ADAMTS19: variants seen among roughly 807,000 people sequenced by gnomAD.
The protein encoded by ADAMTS19 is A disintegrin and metalloproteinase with thrombospondin motifs 19.
In ADAMTS19, 93 loss-of-function variants were observed where a neutral mutation model predicts 153.3. The observed-to-expected ratio is 0.61, with a 90% CI of 0.51 to 0.72. The LOEUF is 0.72. Among genes scored for constraint, ADAMTS19 ranks in the 30% least tolerant of loss-of-function variants. The pLI, the probability that ADAMTS19 is intolerant of heterozygous loss-of-function variation, is 0.00. For missense variants in ADAMTS19, 1,482 were observed against 1,552.1 expected, an observed-to-expected ratio of 0.95 and a Z score of 0.76; for synonymous variants, 600 against 556.6, an observed-to-expected ratio of 1.08 and a Z score of -1.10.
intron 7 of ADAMTS19, among the ~76,000 whole-genome samples, chr5:129,587,396 A>G (rs1269514877): frequency 1.3e-5 from 2 of 151,206 alleles, no homozygotes; most frequent in Non-Finnish European, 2.9e-5. Context: ...GTGACAGTTT[A>G]TTGTCGTGGT....
At chr5:129,522,207 A>G (rs1490211181) in intron 3 of ADAMTS19, among the ~76,000 whole-genome samples, 1 of 149,162 alleles carries the variant, frequency 6.7e-6, no homozygotes, top group Non-Finnish European at 1.5e-5. Context: ...ATATATATAT[A>G]CACACACATA....
intron 2 of ADAMTS19, among the ~76,000 whole-genome samples, chr5:129,463,969 T>A (rs1048393532): frequency 6.6e-6 from 1 of 152,186 alleles, no homozygotes; most frequent in African/African-American, 2.4e-5. Context: ...AATCAAATGT[T>A]ATGCTAAGGT....
intron 2 of ADAMTS19, among the ~76,000 whole-genome samples, chr5:129,472,271 T>C (rs1750093241): frequency 6.6e-6 from 1 of 152,230 alleles, no homozygotes; most frequent in African/African-American, 2.4e-5. Flanking sequence ...GGTATCTCAT[T>C]ATGCAAGCTA....
intron 2 of ADAMTS19, among the ~76,000 whole-genome samples, chr5:129,477,986 G>A (rs1750280332): frequency 6.6e-6 from 1 of 152,028 alleles, no homozygotes; most frequent in South Asian, 2.1e-4. Flanking sequence ...ATTAGCCTTA[G>A]AGAGTTAAAA....
intron 14 of ADAMTS19, among the ~76,000 whole-genome samples, chr5:129,658,347 A>AAGAGAGAGAGAGAGAGAG (rs1294171239): frequency 1.0e-4 from 12 of 116,064 alleles, no homozygotes; most frequent in African/African-American, 3.3e-4. Flanking sequence ...GAAAGAAAGA[A>AAGAGAGAGAGAGAGAGAG]AGAAAGAAAG....
intron 17 of ADAMTS19, among the ~76,000 whole-genome samples, chr5:129,681,541 A>C (rs1398892131): frequency 3.9e-5 from 6 of 152,188 alleles, no homozygotes; most frequent in Non-Finnish European, 8.8e-5. Flanking sequence ...TTATTACTCT[A>C]GTTTACAGAT....
chr5:129,582,146 A>C (rs1749546129), intron 7 of ADAMTS19, among the ~76,000 whole-genome samples: 3 of 149,440 alleles, frequency 2.0e-5, no homozygotes, highest in Non-Finnish European at 4.4e-5. Context: ...TCATGTCCTG[A>C]ATATCCTTGT....
At chr5:129,503,995 A>G (rs1751189128) in intron 2 of ADAMTS19, among the ~76,000 whole-genome samples, 1 of 152,122 alleles carries the variant, frequency 6.6e-6, no homozygotes, top group Non-Finnish European at 1.5e-5. Context: ...TAATTCTCGG[A>G]TGTACTTTAT....
intron 7 of ADAMTS19, among the ~76,000 whole-genome samples, chr5:129,588,694 T>C (rs998828587): frequency 8.6e-5 from 13 of 151,898 alleles, no homozygotes; most frequent in Admixed American, 6.6e-4. Context: ...AGGTATATTT[T>C]GTAAAATATT....
At chr5:129,490,839 G>C (rs1750741308) in intron 2 of ADAMTS19, among the ~76,000 whole-genome samples, 1 of 151,976 alleles carries the variant, frequency 6.6e-6, no homozygotes, top group African/African-American at 2.4e-5. Flanking sequence ...AGGTCGCTTA[G>C]GTTGTTTTTC....
chr5:129,669,848 T>C (rs1291433373), intron 16 of ADAMTS19, among the ~76,000 whole-genome samples: 1 of 152,088 alleles, frequency 6.6e-6, no homozygotes, highest in Non-Finnish European at 1.5e-5. Flanking sequence ...GTTGTTAGTG[T>C]GTTGTTTAAT....
At chr5:129,591,012 A>G (rs1375159278) in intron 7 of ADAMTS19, among the ~76,000 whole-genome samples, 23 of 152,098 alleles carry the variant, frequency 1.5e-4, no homozygotes, top group Non-Finnish European at 3.2e-4. Context: ...CATGGTTGGC[A>G]CCCTAGGCCA....
chr5:129,506,672 T>C (rs1034683900), intron 2 of ADAMTS19, among the ~76,000 whole-genome samples: 1 of 151,992 alleles, frequency 6.6e-6, no homozygotes, highest in Non-Finnish European at 1.5e-5. Context: ...CTAACAGGGA[T>C]ACAAAATTTA....
intron 8 of ADAMTS19, among the ~76,000 whole-genome samples, chr5:129,617,079 G>T (rs1751565468): frequency 6.6e-6 from 1 of 151,994 alleles, no homozygotes; most frequent in Non-Finnish European, 1.5e-5. Flanking sequence ...TGATATCATT[G>T]TCAGTGGTTA....
intron 3 of ADAMTS19, among the ~76,000 whole-genome samples, chr5:129,514,627 G>C (rs181960139): frequency 2.1e-3 from 315 of 151,940 alleles, no homozygotes; most frequent in African/African-American, 6.7e-3. Flanking sequence ...CCTATTTTTT[G>C]ATTGGATTAT....
intron 7 of ADAMTS19, among the ~76,000 whole-genome samples, chr5:129,560,497 A>G (rs1254025744): frequency 2.6e-5 from 4 of 152,230 alleles, no homozygotes; most frequent in Non-Finnish European, 2.9e-5. Flanking sequence ...GCAAATGCCT[A>G]TAGGCAACCA....
chr5:129,501,949 A>G (rs975591612), intron 2 of ADAMTS19, among the ~76,000 whole-genome samples: 1 of 152,150 alleles, frequency 6.6e-6, no homozygotes, highest in Non-Finnish European at 1.5e-5. Flanking sequence ...TTTGGAAAGA[A>G]TAATGATATG....
chr5:129,641,960 G>A lies in ADAMTS19; in HGVS notation c.1872G>A (p.Lys624=). 1.3e-6 allele frequency: 2 copies of A among 1,579,508 alleles called. No individual in the cohort carries two copies. The highest frequency in any genetic ancestry group is 1.7e-6 in the Non-Finnish European group (2 of 1,158,902). The change falls in exon 11 of 23, where the codon AAG becomes AAA. Residue 624 remains lysine, a splice_region_variant and synonymous_variant. Transcript: ENST00000274487. ...ATGGAACTGACTGTGACCTTGGTAA[G>A]GTAAGTCATTTGTGTTGTCTGAATT... ...PMDGTDCDLG[K]WCKAGECTSR...
chr5:129,538,894 G>A (rs1228804429), intron 6 of ADAMTS19, among the ~76,000 whole-genome samples: 1 of 151,702 alleles, frequency 6.6e-6, no homozygotes, highest in Non-Finnish European at 1.5e-5. Context: ...ATATTCTTAT[G>A]GTAAAAGTAA....
Sources: allele counts gnomAD v4.1 joint callset (sites outside exome capture counted in the v4.1 genomes callset), GRCh38; gene constraint gnomAD v4.1.1; transcripts MANE v1.5; gene names NCBI Gene and HGNC (gene_info 2026-07-23, HGNC 2026-07-21).